Variants in NALF1 observed in about 807,000 individuals in gnomAD.
NALF1 encodes family with sequence similarity 155 member A.
A neutral mutation model predicts 48.4 loss-of-function variants in NALF1; 3 were observed. The ratio of observed to expected loss-of-function variants is 0.06; its 90% CI spans 0.03 to 0.16. The LOEUF (loss-of-function observed/expected upper bound fraction) is 0.16, where lower values mean the gene tolerates loss of function less well. NALF1 is among the 10% of genes least tolerant of loss of function. The pLI, the probability that NALF1 is intolerant of heterozygous loss-of-function variation, is 1.00. For missense variants in NALF1, 526 were observed against 571.5 expected (o/e 0.92, Z 0.81); for synonymous variants, 262 against 245.7 (o/e 1.07, Z -0.62).
chr13:107,574,505 A>G (rs1054362701), intron 1 of NALF1, among the ~76,000 whole-genome samples: 2 of 152,228 alleles, frequency 1.3e-5, no homozygotes, highest in African/African-American at 4.8e-5. Context: ...AAATATGGTC[A>G]TTGAATCTTT....
At chr13:107,354,680 C>T (rs956912443) in intron 1 of NALF1, among the ~76,000 whole-genome samples, 2 of 152,112 alleles carry the variant, frequency 1.3e-5, no homozygotes, top group African/African-American at 4.8e-5. Flanking sequence ...TTTTTTAGAA[C>T]CTGTCATCAT....
chr13:107,696,410 G>T (rs756836961), intron 1 of NALF1, among the ~76,000 whole-genome samples: 1 of 152,228 alleles, frequency 6.6e-6, no homozygotes. Context: ...AACTGACAAC[G>T]TTACACAAAT....
intron 1 of NALF1, among the ~76,000 whole-genome samples, chr13:107,738,621 C>A (rs1329938968): frequency 6.6e-6 from 1 of 152,108 alleles, no homozygotes; most frequent in Non-Finnish European, 1.5e-5. Flanking sequence ...AATAAAAGGA[C>A]ACTTAGAAAT....
chr13:107,710,844 A>AATATACACAGATATGTGTATATGTAT lies in NALF1; in HGVS notation c.915+154812_915+154837dup, dbSNP rs574810184. On this transcript the variant is annotated intron_variant, in intron 1 of 2. Coordinates refer to ENST00000375915, the MANE Select transcript of NALF1 (RefSeq NM_001080396.3). ...ATATACACATACAGAGACACGTATAAATATACACAGATATGTGTATATGTA... is the reference window on the plus strand; with the variant it reads ...ATATACACATACAGAGACACGTATAAATATACACAGATATGTGTATATGTATATATACACAGATATGTGTATATGTA... Among the ~76,000 whole-genome samples, 222 of 149,466 alleles carry AATATACACAGATATGTGTATATGTAT rather than the reference A, an allele frequency of 1.5e-3. 1 individual carries two copies. The highest frequency in any genetic ancestry group is 3.9e-3 in the African/African-American group (160 of 40,646).
chr13:107,782,613 C>T (rs1305622671), intron 1 of NALF1, among the ~76,000 whole-genome samples: 1 of 151,396 alleles, frequency 6.6e-6, no homozygotes, highest in African/African-American at 2.4e-5. Flanking sequence ...GTGAGGAGCG[C>T]CTCTTCCCGG....
intron 1 of NALF1, among the ~76,000 whole-genome samples, chr13:107,731,386 C>A (rs2138535971): frequency 6.6e-6 from 1 of 152,038 alleles, no homozygotes; most frequent in Middle Eastern, 3.4e-3. Context: ...ACTTGAGAAT[C>A]CACAATTAAT....
At chr13:107,329,755 G>A (rs566622649) in intron 1 of NALF1, among the ~76,000 whole-genome samples, 4 of 150,760 alleles carry the variant, frequency 2.7e-5, no homozygotes, top group African/African-American at 9.8e-5. Flanking sequence ...AACATGCGGT[G>A]TTTGGCTTTT....
chr13:107,577,855 T>C (rs1878197973), intron 1 of NALF1, among the ~76,000 whole-genome samples: 1 of 152,164 alleles, frequency 6.6e-6, no homozygotes, highest in Admixed American at 6.5e-5. Context: ...TCTTCCTTCA[T>C]CGCTTGAGTG....
intron 2 of NALF1, among the ~76,000 whole-genome samples, chr13:107,202,152 G>C (rs1245747705): frequency 1.3e-5 from 2 of 151,850 alleles, no homozygotes; most frequent in African/African-American, 4.8e-5. Context: ...CATCAGTGCT[G>C]CTATGCCTAA....
At chr13:107,825,032 T>C (rs576693531) in intron 1 of NALF1, among the ~76,000 whole-genome samples, 1 of 152,314 alleles carries the variant, frequency 6.6e-6, no homozygotes, top group Non-Finnish European at 1.5e-5. Flanking sequence ...TTAGTTTATA[T>C]TCCAATAGTA....
chr13:107,801,267 T>C (rs187798518), intron 1 of NALF1, among the ~76,000 whole-genome samples: 2 of 152,348 alleles, frequency 1.3e-5, no homozygotes, highest in African/African-American at 4.8e-5. Context: ...CACTGTCTCA[T>C]AGCTAATTTT....
chr13:107,730,241 T>C (rs569631344), intron 1 of NALF1, among the ~76,000 whole-genome samples: 7 of 152,346 alleles, frequency 4.6e-5, no homozygotes, highest in South Asian at 2.1e-4. Flanking sequence ...CCCAGAATTA[T>C]TGAAAATATT....
At chr13:107,716,309 G>A (rs1875816687) in intron 1 of NALF1, among the ~76,000 whole-genome samples, 1 of 152,184 alleles carries the variant, frequency 6.6e-6, no homozygotes, top group Non-Finnish European at 1.5e-5. Flanking sequence ...TCAGACAGGT[G>A]TAAAATTCAC....
At chr13:107,643,708 A>T (rs1345884439) in intron 1 of NALF1, among the ~76,000 whole-genome samples, 1 of 152,162 alleles carries the variant, frequency 6.6e-6, no homozygotes, top group Non-Finnish European at 1.5e-5. Context: ...ATGAGAAAAA[A>T]TACATTTTCA....
At chr13:107,428,612 T>C (rs937113000) in intron 1 of NALF1, among the ~76,000 whole-genome samples, 6 of 152,120 alleles carry the variant, frequency 3.9e-5, no homozygotes, top group Non-Finnish European at 7.4e-5. Context: ...AATGTTAGGA[T>C]GGAGAGACAG....
chr13:107,245,263 C>T (rs569928263), intron 1 of NALF1, among the ~76,000 whole-genome samples: 22 of 152,224 alleles, frequency 1.4e-4, no homozygotes, highest in African/African-American at 5.1e-4. Flanking sequence ...ATGGTTTTCA[C>T]GTGGATCACT....
At chr13:107,452,056 C>T (rs796110830) in intron 1 of NALF1, among the ~76,000 whole-genome samples, 17 of 152,078 alleles carry the variant, frequency 1.1e-4, no homozygotes, top group African/African-American at 3.9e-4. Flanking sequence ...TGTGTCTATC[C>T]ATATAGTGTA....
At position 107,166,681 on chromosome 13, in the gene NALF1, G is replaced by T. The variant is rs1878665883; in HGVS notation, c.*3816C>A. On this transcript the variant is annotated 3_prime_UTR_variant, in exon 3 of 3. Transcript: ENST00000375915. ...GCATCCAATTGCTTATTTCATTTAT[G>T]TTTTTTTCCCCCGGAAAAAAGTATG... is the stretch of plus-strand genomic sequence containing the variant. 1 of 151,948 alleles carries T rather than the reference G, an allele frequency of 6.6e-6. No individual in the cohort carries two copies. Among genetic ancestry groups the T allele is most frequent in the Non-Finnish European group, 1.5e-5 (1 of 67,984 alleles). 9.4% of individuals were successfully genotyped at this position (151,948 alleles called of 1,614,324 possible).
intron 1 of NALF1, among the ~76,000 whole-genome samples, chr13:107,458,266 G>A (rs1236143315): frequency 2.0e-5 from 3 of 152,138 alleles, no homozygotes; most frequent in African/African-American, 2.4e-5. Flanking sequence ...TTTTAGAGCC[G>A]CTTTGACAGG....
Sources: gnomAD v4.1 joint callset for allele counts (sites outside exome capture counted in the v4.1 genomes callset) on GRCh38, gnomAD v4.1.1 for gene constraint, MANE v1.5 for transcripts, NCBI Gene and HGNC (gene_info 2026-07-23, HGNC 2026-07-21) for gene names.